The following AGO2 variants were observed in gnomAD, a reference collection of about 807,000 sequenced individuals.
The protein encoded by AGO2 is argonaute RISC catalytic component 2.
AGO2 carries 5 observed loss-of-function variants against 102.3 expected under a neutral mutation model. The ratio of observed to expected loss-of-function variants is 0.05; its 90% CI spans 0.03 to 0.10. AGO2 has a LOEUF of 0.10. Among genes scored for constraint, AGO2 ranks in the 10% least tolerant of loss-of-function variants. AGO2 has a pLI of 1.00. For synonymous variants in AGO2, 449 were observed against 473.1 expected (o/e 0.95, Z 0.66); for missense variants, 541 against 1,183.7 (o/e 0.46, Z 7.97).
intron 10 of AGO2, 95 bp downstream of exon 10, chr8:140,555,801 C>T (rs1431482886): frequency 4.1e-6 from 6 of 1,471,192 alleles, no homozygotes; most frequent in Middle Eastern, 1.8e-4. Context: ...GCATGGAACA[C>T]AGTCTACACC....
chr8:140,574,425 T>C (rs939815921), intron 2 of AGO2, among the ~76,000 whole-genome samples: 3 of 152,012 alleles, frequency 2.0e-5, no homozygotes, highest in Non-Finnish European at 4.4e-5. Context: ...CTATGCCCAG[T>C]TAATTTTTAA....
intron 1 of AGO2, among the ~76,000 whole-genome samples, chr8:140,625,829 A>AC (rs1225130979): frequency 6.6e-6 from 1 of 151,982 alleles, no homozygotes; most frequent in Non-Finnish European, 1.5e-5. Context: ...AACAGGGACC[A>AC]CCCCCCAAAA....
At position 140,539,272 on chromosome 8, in the gene AGO2, G is replaced by T; in HGVS notation, c.2169+48C>A. 1.3e-6 allele frequency: 2 copies of T among 1,562,196 alleles called. No homozygotes were observed. Among genetic ancestry groups the T allele is most frequent in the Non-Finnish European group, 8.7e-7 (1 of 1,152,376 alleles). ...CTTGTGAGTGTGCTCGGGGTGTGGG[G>T]CTGAGGGGAGAACCGTGCCCCCTGC... is the stretch of plus-strand genomic sequence containing the variant. On this transcript the variant is annotated intron_variant, in intron 16 of 18. Transcript: ENST00000220592. This position sits in a 1 kb window ranked among gnomAD's most constrained non-coding sequence, Gnocchi z 4.7.
At position 140,551,308 on chromosome 8, in the gene AGO2, A is replaced by G; in HGVS notation, c.1398T>C (p.His466=). ...FAPQRQCTEV[H]LKSFTEQLRK... ...TCTGCCTGTGGGGGGCTTACTTCAG[A>G]TGGACTTCCGTGCACTGGCGCTGGG... The change falls in exon 11 of 19, where the codon CAT becomes CAC. Residue 466 remains histidine, a synonymous_variant. Transcript: ENST00000220592. 1 of 1,531,402 alleles carries G rather than the reference A, an allele frequency of 6.5e-7. No homozygotes were observed. The highest frequency in any genetic ancestry group is 1.2e-5 in the South Asian group (1 of 81,572). 94.9% of individuals were successfully genotyped at this position (1,531,402 alleles called of 1,614,324 possible). A position where few individuals can be genotyped will look rare whatever the true frequency, so the allele number is the denominator to read the frequency against.
chr8:140,535,525 C>T lies in AGO2; in HGVS notation c.2214G>A (p.Thr738=), dbSNP rs148051154. The part of the protein sequence containing the change: ...GNIPAGTTVD[T]KITHPTEFDF... The stretch of plus-strand genomic sequence containing the variant: ...CGAACTCGGTGGGGTGGGTGATTTT[C>T]GTGTCCACAGTCGTGCCTGCTGGAA... The change falls in exon 17 of 19, where the codon ACG becomes ACA. Residue 738 remains threonine (T), a synonymous_variant. Transcript: ENST00000220592. The T allele has an allele frequency of 6.4e-4, 1,026 of 1,614,106 alleles. 9 individuals are homozygous for T. Among genetic ancestry groups the T allele is most frequent in the Non-Finnish European group, 1.3e-4 (155 of 1,180,042 alleles).
chr8:140,560,527 C>G lies in AGO2; in HGVS notation c.519-17G>C. On this transcript the variant is annotated splice_polypyrimidine_tract_variant and intron_variant, in intron 4 of 18. Transcript: ENST00000220592. ...GGGGTGTACCTGGAACCAAGAGACC[C>G]CACCCCGCCTCCCGTCAGATGTGTC... The G allele has an allele frequency of 6.2e-7, 1 of 1,602,906 alleles. No homozygotes were observed. Among genetic ancestry groups the G allele is most frequent in the East Asian group, 2.2e-5 (1 of 44,518 alleles).
At chr8:140,578,838 A>G (rs947408864) in intron 2 of AGO2, among the ~76,000 whole-genome samples, 4 of 152,266 alleles carry the variant, frequency 2.6e-5, no homozygotes, top group Non-Finnish European at 5.9e-5. Context: ...GCCGCCTTGC[A>G]GAAGCCGGAG....
At chr8:140,596,320 T>C (rs1426037657) in intron 1 of AGO2, among the ~76,000 whole-genome samples, 1 of 152,230 alleles carries the variant, frequency 6.6e-6, no homozygotes, top group Non-Finnish European at 1.5e-5. Context: ...TGGTGGCTCA[T>C]GCCCTGTAAT....
At chr8:140,629,097 A>G in intron 1 of AGO2, among the ~76,000 whole-genome samples, 1 of 151,298 alleles carries the variant, frequency 6.6e-6, no homozygotes, top group South Asian at 2.1e-4. Flanking sequence ...TCTCAAAATA[A>G]ATAAATAAAT....
chr8:140,565,886 C>T lies in AGO2; in HGVS notation c.337-3252G>A, dbSNP rs533849409. Among the ~76,000 whole-genome samples, 6 of 152,070 alleles carry T rather than the reference C, an allele frequency of 3.9e-5. No homozygotes were observed. In the East Asian group the frequency reaches 1.2e-3, roughly 29 times the overall value. ...TTTGAGTCCAGAGTTGGAGACCAGC[C>T]TAGGCAATATAGGGAGACCCCATCT... On this transcript the variant is annotated intron_variant, in intron 3 of 18. Coordinates refer to ENST00000220592, the MANE Select transcript of AGO2 (RefSeq NM_012154.5).
intron 11 of AGO2, among the ~76,000 whole-genome samples, chr8:140,549,592 C>T (rs1334153334): frequency 3.9e-5 from 6 of 152,382 alleles, no homozygotes; most frequent in Non-Finnish European, 7.3e-5. Context: ...ACCGCGCTCA[C>T]GCTGCCTCGC....
intron 1 of AGO2, among the ~76,000 whole-genome samples, chr8:140,608,269 C>A (rs568301557): frequency 6.6e-6 from 1 of 152,350 alleles, no homozygotes; most frequent in East Asian, 1.9e-4. Context: ...CCCTCCAGCA[C>A]GCTCCGGTCT....
intron 2 of AGO2, among the ~76,000 whole-genome samples, chr8:140,576,947 C>T (rs749425087): frequency 8.5e-5 from 13 of 152,270 alleles, no homozygotes; most frequent in Admixed American, 1.3e-4. Flanking sequence ...ATGGCTCACA[C>T]CTGTAATCCC....
upstream of AGO2, among the ~76,000 whole-genome samples, chr8:140,638,670 G>C (rs1281243286): frequency 6.6e-6 from 1 of 152,152 alleles, no homozygotes. Flanking sequence ...GACTTCCCAG[G>C]CTCAAGTGAT....
At chr8:140,633,128 G>C (rs142357294) in intron 1 of AGO2, among the ~76,000 whole-genome samples, 3 of 152,040 alleles carry the variant, frequency 2.0e-5, no homozygotes, top group Non-Finnish European at 4.4e-5. Context: ...GGCCAGGATG[G>C]TCTCGATCTC....
rs780346499 is a variant in AGO2 at position 140,585,077 on chromosome 8, C to T, written c.215+42G>A. ...TTAGTTTAAATGCCGTGTCTGTCCG[C>T]GCAGACCACTTACACAGGTCATGAA... On this transcript the variant is annotated intron_variant, in intron 2 of 18. Coordinates refer to ENST00000220592, the MANE Select transcript of AGO2 (RefSeq NM_012154.5). 1.6e-5 allele frequency: 25 copies of T among 1,575,162 alleles called. 1 individual carries two copies. In the Middle Eastern group the frequency reaches 8.4e-4, roughly 53 times the overall value.
chr8:140,535,673 A>T, intron 16 of AGO2, 104 bp from the exon 17 acceptor site: 5 of 1,067,094 alleles, frequency 4.7e-6, no homozygotes, highest in Non-Finnish European at 5.8e-6. Flanking sequence ...CCCTATTTTG[A>T]AGTTTTTAAA....
chr8:140,612,879 AT>A (rs939094744), intron 1 of AGO2, among the ~76,000 whole-genome samples: 120 of 147,644 alleles, frequency 8.1e-4, no homozygotes, highest in African/African-American at 2.4e-3. Flanking sequence ...ATGAGGCCAG[AT>A]TTTTTTTTTT....
intron 1 of AGO2, among the ~76,000 whole-genome samples, chr8:140,593,792 G>A (rs982319542): frequency 2.6e-5 from 4 of 152,062 alleles, no homozygotes; most frequent in Admixed American, 2.6e-4. Context: ...TACAGATGTG[G>A]TCCGAGGTGT....
Sources: gnomAD v4.1 joint callset for allele counts (sites outside exome capture counted in the v4.1 genomes callset) on GRCh38, gnomAD v4.1.1 for gene constraint, Gnocchi (gnomAD v3.1) non-coding constraint, MANE v1.5 for transcripts, NCBI Gene and HGNC (gene_info 2026-07-23, HGNC 2026-07-21) for gene names.